Variants in ABI3BP observed in about 807,000 individuals in gnomAD.
The protein encoded by ABI3BP is target of Nesh-SH3.
In ABI3BP, 216 loss-of-function variants were observed where a neutral mutation model predicts 268.6. The observed-to-expected ratio is 0.80, with a 90% confidence interval of 0.72 to 0.90. ABI3BP has a LOEUF of 0.90. ABI3BP is among the 40% of genes least tolerant of loss of function. ABI3BP has a pLI of 0.00. For synonymous variants in ABI3BP, 730 were observed against 730.0 expected, an observed-to-expected ratio of 1.00 and a Z score of 0.00; for missense variants, 2,090 against 2,182.4, an observed-to-expected ratio of 0.96 and a Z score of 0.84.
intron 17 of ABI3BP, among the ~76,000 whole-genome samples, chr3:100,849,593 TTC>T (rs1469997395): frequency 6.6e-6 from 1 of 152,142 alleles, no homozygotes; most frequent in Non-Finnish European, 1.5e-5. Flanking sequence ...TTCAATAATT[TTC>T]TGTTATAAAA....
intron 63 of ABI3BP, among the ~76,000 whole-genome samples, chr3:100,755,362 A>G (rs940682875): frequency 6.6e-5 from 10 of 152,182 alleles, no homozygotes; most frequent in African/African-American, 2.2e-4. Context: ...ATACACATAA[A>G]TGTTTCTTTG....
intron 1 of ABI3BP, among the ~76,000 whole-genome samples, chr3:100,973,715 G>C (rs1470547268): frequency 1.3e-5 from 2 of 152,120 alleles, no homozygotes; most frequent in African/African-American, 2.4e-5. Context: ...GGCTTAATTT[G>C]ACTCTTGAAG....
At chr3:100,878,674 G>A (rs932180503) in intron 6 of ABI3BP, among the ~76,000 whole-genome samples, 2 of 152,050 alleles carry the variant, frequency 1.3e-5, no homozygotes, top group Non-Finnish European at 2.9e-5. Flanking sequence ...ACTATTACAT[G>A]TGAGCACTTG....
chr3:100,841,220 T>TTTTTTTTTTTTTTTTTGTTTTTTTG (rs1560681726), intron 21 of ABI3BP, among the ~76,000 whole-genome samples: 2 of 119,588 alleles, frequency 1.7e-5, no homozygotes, highest in African/African-American at 3.2e-5. Context: ...TTTTTTTTTT[T>TTTTTTTTTTTTTTTTTGTTTTTTTG]TTTTTTTGCT....
At position 100,870,879 on chromosome 3, in the gene ABI3BP, A is replaced by G. The variant is rs1581299985; in HGVS notation, c.911-3923T>C. Among the ~76,000 whole-genome samples, 3 of 152,226 alleles carry G rather than the reference A, an allele frequency of 2.0e-5. No individual in the cohort carries two copies. In the East Asian group the frequency reaches 5.8e-4, roughly 29 times the overall value. ...CAGCCTTAAAAAAGGAGGTCCTGCCATTTGCAATAACATGGATAAATCTGG... is the reference window on the plus strand; with the variant it reads ...CAGCCTTAAAAAAGGAGGTCCTGCCGTTTGCAATAACATGGATAAATCTGG... On this transcript the variant is annotated intron_variant, in intron 9 of 67. Coordinates refer to ENST00000471714, the MANE Select transcript of ABI3BP (RefSeq NM_001375547.2).
intron 63 of ABI3BP, among the ~76,000 whole-genome samples, chr3:100,763,257 T>C (rs1346266119): frequency 6.6e-6 from 1 of 151,846 alleles, no homozygotes; most frequent in African/African-American, 2.4e-5. Flanking sequence ...GGTCAGGAGT[T>C]CAAGACCAGC....
intron 1 of ABI3BP, among the ~76,000 whole-genome samples, chr3:100,965,970 C>A (rs2081137190): frequency 6.6e-6 from 1 of 152,264 alleles, no homozygotes; most frequent in Non-Finnish European, 1.5e-5. Flanking sequence ...TAAGGGAGGA[C>A]TTCAACCAAG....
At chr3:100,859,718 A>G (rs1362238618) in intron 14 of ABI3BP, among the ~76,000 whole-genome samples, 1 of 152,194 alleles carries the variant, frequency 6.6e-6, no homozygotes, top group East Asian at 1.9e-4. Context: ...GCCACAGAGC[A>G]CTTACACTAG....
At position 100,917,169 on chromosome 3, in the gene ABI3BP, G is replaced by A. The variant is rs1441190191; in HGVS notation, c.259+9133C>T. On this transcript the variant is annotated intron_variant, in intron 2 of 67. Coordinates refer to ENST00000471714, the MANE Select transcript of ABI3BP (RefSeq NM_001375547.2). ...TGTGAATATATTGACCCTGATTGTGGAGCCCATCAGGGAAGGTGAGACTCA... is the reference window on the plus strand; with the variant it reads ...TGTGAATATATTGACCCTGATTGTGAAGCCCATCAGGGAAGGTGAGACTCA... Among the ~76,000 whole-genome samples the A allele has an allele frequency of 2.6e-5, 4 of 152,174 alleles. No homozygotes were observed. The East Asian group carries it at 5.8e-4, about 22-fold the overall frequency.
chr3:100,781,460 G>A (rs2150322699), intron 57 of ABI3BP, among the ~76,000 whole-genome samples: 1 of 152,206 alleles, frequency 6.6e-6, no homozygotes, highest in African/African-American at 2.4e-5. Flanking sequence ...ATGTTTCTGG[G>A]GGCAATGACT....
intron 4 of ABI3BP, among the ~76,000 whole-genome samples, chr3:100,891,143 G>A (rs970444493): frequency 1.9e-4 from 29 of 152,016 alleles, no homozygotes; most frequent in African/African-American, 7.0e-4. Flanking sequence ...CTCAACAGTA[G>A]GATCATGATA....
chr3:100,871,036 G>GA (rs1389808691), intron 9 of ABI3BP, among the ~76,000 whole-genome samples: 1 of 152,116 alleles, frequency 6.6e-6, no homozygotes, highest in Non-Finnish European at 1.5e-5. Context: ...TGGAGAGGGG[G>GA]AAACAGGGAA....
At chr3:100,894,969 A>G (rs2046934453) in intron 4 of ABI3BP, among the ~76,000 whole-genome samples, 1 of 112,194 alleles carries the variant, frequency 8.9e-6, no homozygotes, top group South Asian at 3.4e-4. Flanking sequence ...AAAAAAAAAC[A>G]GAAAAAAAAA....
At chr3:100,844,899 C>G (rs1177799918) in intron 20 of ABI3BP, among the ~76,000 whole-genome samples, 1 of 152,154 alleles carries the variant, frequency 6.6e-6, no homozygotes, top group African/African-American at 2.4e-5. Flanking sequence ...TCTTTTTGCT[C>G]AAACACCTTA....
Position 100,889,432 on chromosome 3 carries a change from A to G in ABI3BP, c.462-3109T>C, listed in dbSNP as rs79041779. 2.2e-3 allele frequency among the ~76,000 whole-genome samples: 332 copies of G among 152,286 alleles called. 2 individuals carry two copies. Among genetic ancestry groups the G allele is most frequent in the African/African-American group, 7.7e-3 (320 of 41,574 alleles). On this transcript the variant is annotated intron_variant, in intron 4 of 67. Coordinates refer to ENST00000471714, the MANE Select transcript of ABI3BP (RefSeq NM_001375547.2). ...AATGAACCAGAATGGAAGAAAAACA[A>G]AAGTAATCAGCATTTCACATTATTG...
intron 43 of ABI3BP, 79 bp from the exon 44 acceptor site, chr3:100,816,050 T>C: frequency 9.0e-7 from 1 of 1,108,170 alleles, no homozygotes; most frequent in Non-Finnish European, 1.3e-6. Flanking sequence ...TTTTAAAACA[T>C]GAGTTTCAAA....
intron 15 of ABI3BP, 99 bp from the exon 16 acceptor site, chr3:100,850,833 T>C: frequency 1.1e-6 from 1 of 881,050 alleles, no homozygotes; most frequent in Non-Finnish European, 1.8e-6. Flanking sequence ...TGAGGAAAAA[T>C]ATCAAGAATA....
At chr3:100,767,902 A>T (rs1435059805) in intron 62 of ABI3BP, among the ~76,000 whole-genome samples, 1 of 152,164 alleles carries the variant, frequency 6.6e-6, no homozygotes, top group Admixed American at 6.5e-5. Flanking sequence ...CGTGCTGCTA[A>T]ATCACCAAAA....
intron 63 of ABI3BP, among the ~76,000 whole-genome samples, chr3:100,761,770 C>G (rs967265246): frequency 6.6e-6 from 1 of 152,172 alleles, no homozygotes; most frequent in Non-Finnish European, 1.5e-5. Context: ...AGTGTTGTAA[C>G]GTGAAGCTCT....
Sources: gnomAD v4.1 joint callset for allele counts (sites outside exome capture counted in the v4.1 genomes callset) on GRCh38, gnomAD v4.1.1 for gene constraint, MANE v1.5 for transcripts, NCBI Gene and HGNC (gene_info 2026-07-23, HGNC 2026-07-21) for gene names.